The following FBXL7 variants were observed in gnomAD, a reference collection of about 807,000 sequenced individuals.
FBXL7 encodes the protein F-box/LRR-repeat protein 7.
A neutral mutation model predicts 38.3 loss-of-function variants in FBXL7; 12 were observed. The ratio of observed to expected loss-of-function variants is 0.31; its 90% CI spans 0.20 to 0.51. FBXL7 has a LOEUF of 0.51. Among genes scored for constraint, FBXL7 ranks in the 20% least tolerant of loss-of-function variants. The pLI is 0.98. For synonymous variants in FBXL7, 297 were observed against 300.9 expected, an observed-to-expected ratio of 0.99 and a Z score of 0.13; for missense variants, 567 against 676.4, an observed-to-expected ratio of 0.84 and a Z score of 1.79.
chr5:15,729,775 C>T (rs923623369), intron 2 of FBXL7, among the ~76,000 whole-genome samples: 2 of 152,102 alleles, frequency 1.3e-5, no homozygotes, highest in Non-Finnish European at 2.9e-5. Flanking sequence ...TTAGTGCTTA[C>T]TGTGCGTCAG....
intron 1 of FBXL7, among the ~76,000 whole-genome samples, chr5:15,541,150 A>G (rs1184922451): frequency 6.6e-6 from 1 of 151,676 alleles, no homozygotes; most frequent in Non-Finnish European, 1.5e-5. Context: ...AGTTGCACAT[A>G]TAATGACGCC....
At chr5:15,538,957 T>C (rs1010258408) in intron 1 of FBXL7, among the ~76,000 whole-genome samples, 2 of 152,156 alleles carry the variant, frequency 1.3e-5, no homozygotes, top group Admixed American at 6.5e-5. Flanking sequence ...AAAATAAAAA[T>C]CTATTCTGAT....
intron 2 of FBXL7, among the ~76,000 whole-genome samples, chr5:15,879,876 A>G (rs891604985): frequency 1.3e-5 from 2 of 152,190 alleles, no homozygotes; most frequent in Non-Finnish European, 1.5e-5. Flanking sequence ...AGGATCACCT[A>G]TCTTCATGGT....
chr5:15,849,160 A>G (rs1207605456), intron 2 of FBXL7, among the ~76,000 whole-genome samples: 1 of 152,168 alleles, frequency 6.6e-6, no homozygotes. Flanking sequence ...TGTGATTTTA[A>G]TATTTGCAAA....
At chr5:15,752,345 A>C (rs529049610) in intron 2 of FBXL7, among the ~76,000 whole-genome samples, 14 of 152,008 alleles carry the variant, frequency 9.2e-5, no homozygotes, top group Non-Finnish European at 2.1e-4. Flanking sequence ...AAATGGAAGG[A>C]GACATATGCT....
chr5:15,934,397 A>G (rs961001374), intron 3 of FBXL7, among the ~76,000 whole-genome samples: 1 of 152,176 alleles, frequency 6.6e-6, no homozygotes, highest in Non-Finnish European at 1.5e-5. Context: ...AATATACCAT[A>G]AGTATACTGT....
intron 2 of FBXL7, among the ~76,000 whole-genome samples, chr5:15,688,297 C>T (rs1169234040): frequency 1.3e-5 from 2 of 152,114 alleles, no homozygotes; most frequent in Admixed American, 6.6e-5. Flanking sequence ...TATCATAGCT[C>T]CAGTACAAAG....
chr5:15,694,502 C>A (rs1417683105), intron 2 of FBXL7, among the ~76,000 whole-genome samples: 1 of 152,114 alleles, frequency 6.6e-6, no homozygotes, highest in African/African-American at 2.4e-5. Flanking sequence ...GTCCTCTGTA[C>A]CTTATAAATA....
chr5:15,668,368 T>TTGTGTGTGTGTGTGTGTGTGTG (rs148728974), intron 2 of FBXL7, among the ~76,000 whole-genome samples: 1 of 145,650 alleles, frequency 6.9e-6, no homozygotes, highest in African/African-American at 2.5e-5. Flanking sequence ...ATATTTGTGT[T>TTGTGTGTGTGTGTGTGTGTGTG]TGTGTGTGTG....
chr5:15,501,256 C>G (rs1580339677), intron 1 of FBXL7, among the ~76,000 whole-genome samples: 1 of 152,118 alleles, frequency 6.6e-6, no homozygotes, highest in East Asian at 1.9e-4. Context: ...TGTCTGGTCT[C>G]TCTCGGGGCT....
chr5:15,807,768 ACTT>A (rs1181616613), intron 2 of FBXL7, among the ~76,000 whole-genome samples: 1 of 151,938 alleles, frequency 6.6e-6, no homozygotes, highest in Non-Finnish European at 1.5e-5. Context: ...GCTCTCGCTT[ACTT>A]CTTCTAATCG....
intron 2 of FBXL7, among the ~76,000 whole-genome samples, chr5:15,767,181 C>T (rs942455408): frequency 6.6e-6 from 1 of 152,138 alleles, no homozygotes; most frequent in Non-Finnish European, 1.5e-5. Context: ...CCCGACAGCC[C>T]CCAGTGTGCG....
intron 2 of FBXL7, among the ~76,000 whole-genome samples, chr5:15,834,095 T>C (rs1414629052): frequency 6.6e-6 from 1 of 152,196 alleles, no homozygotes; most frequent in African/African-American, 2.4e-5. Context: ...ATTTTCTTTT[T>C]CCAGAAAAAT....
At chr5:15,605,759 T>A (rs1034861321) in intron 1 of FBXL7, among the ~76,000 whole-genome samples, 16 of 152,294 alleles carry the variant, frequency 1.1e-4, no homozygotes, top group African/African-American at 3.6e-4. Context: ...TACCACAATT[T>A]AAAAAAATTA....
At chr5:15,863,949 G>T (rs532666110) in intron 2 of FBXL7, among the ~76,000 whole-genome samples, 1 of 152,270 alleles carries the variant, frequency 6.6e-6, no homozygotes, top group South Asian at 2.1e-4. Flanking sequence ...GTTGTAGGTG[G>T]TTCCCTATCA....
intron 2 of FBXL7, among the ~76,000 whole-genome samples, chr5:15,694,064 A>C (rs1033592899): frequency 6.6e-6 from 1 of 152,092 alleles, no homozygotes; most frequent in African/African-American, 2.4e-5. Context: ...ACACTGTAAC[A>C]CATGCCCACT....
chr5:15,600,176 C>T (rs1391591120), intron 1 of FBXL7, among the ~76,000 whole-genome samples: 3 of 152,200 alleles, frequency 2.0e-5, no homozygotes, highest in Admixed American at 6.5e-5. Flanking sequence ...ACATGAAAAC[C>T]TTCACTGCGT....
intron 2 of FBXL7, among the ~76,000 whole-genome samples, chr5:15,627,739 A>G (rs1740866038): frequency 2.0e-5 from 3 of 152,308 alleles, no homozygotes; most frequent in African/African-American, 4.8e-5. Context: ...TTGGGGACCA[A>G]CATTTTAGGA....
chr5:15,906,210 C>A (rs893927929), intron 2 of FBXL7, among the ~76,000 whole-genome samples: 1 of 151,816 alleles, frequency 6.6e-6, no homozygotes, highest in East Asian at 1.9e-4. Context: ...TATTGAGGAG[C>A]TTTACACATT....
Sources: gnomAD v4.1 joint callset for allele counts (sites outside exome capture counted in the v4.1 genomes callset) on GRCh38, gnomAD v4.1.1 for gene constraint, MANE v1.5 for transcripts, NCBI Gene and HGNC (gene_info 2026-07-23, HGNC 2026-07-21) for gene names.